Variants in THSD7A observed in about 807,000 individuals in gnomAD.
THSD7A encodes thrombospondin type-1 domain-containing protein 7A.
In THSD7A, 96 loss-of-function variants were observed where a neutral mutation model predicts 231.3. That is an observed-to-expected ratio of 0.41 (90% CI 0.35 to 0.49). The LOEUF (loss-of-function observed/expected upper bound fraction) is 0.49. THSD7A is among the 20% of genes least tolerant of loss of function. The pLI is 0.05. For missense variants in THSD7A, 2,290 were observed against 2,070.2 expected, an observed-to-expected ratio of 1.11 and a Z score of -2.06; for synonymous variants, 940 against 743.3, an observed-to-expected ratio of 1.26 and a Z score of -4.30.
chr7:11,646,847 T>C (rs1431983600), intron 1 of THSD7A, among the ~76,000 whole-genome samples: 3 of 152,020 alleles, frequency 2.0e-5, no homozygotes, highest in South Asian at 4.1e-4. Flanking sequence ...TTATATGCAA[T>C]AGTTTATTTT....
At chr7:11,409,857 C>T (rs1353145405) in intron 19 of THSD7A, among the ~76,000 whole-genome samples, 1 of 152,100 alleles carries the variant, frequency 6.6e-6, no homozygotes, top group African/African-American at 2.4e-5. Context: ...ATTCTCCTGC[C>T]TTAGCCTCCT....
intron 4 of THSD7A, among the ~76,000 whole-genome samples, chr7:11,588,246 A>G (rs368771612): frequency 2.0e-5 from 3 of 152,232 alleles, no homozygotes; most frequent in Admixed American, 6.5e-5. Flanking sequence ...CACCCCTGGG[A>G]TGCTGGTATA....
At position 11,590,701 on chromosome 7, in the gene THSD7A, T is replaced by C; in HGVS notation, c.1272-60A>G. 6.6e-7 allele frequency: 1 copy of C among 1,512,944 alleles called. No homozygotes were observed. Among genetic ancestry groups the C allele is most frequent in the Non-Finnish European group, 8.9e-7 (1 of 1,127,598 alleles). 93.7% of individuals were successfully genotyped at this position (1,512,944 alleles called of 1,614,324 possible). ...ATTATTGAATGACGTGTTTCTCTAC[T>C]CCTGTCATACTTTGTTTTAACGAAA... On this transcript the variant is annotated intron_variant, in intron 3 of 27. Coordinates refer to ENST00000423059, the MANE Select transcript of THSD7A (RefSeq NM_015204.3). The surrounding 1 kb of genome is among the most constrained non-coding windows in gnomAD (Gnocchi z 4.4).
chr7:11,429,076 G>A lies in THSD7A; in HGVS notation c.3114C>T (p.Leu1038=). The change falls in exon 14 of 28, where the codon CTC becomes CTT. Residue 1038 remains leucine, a synonymous_variant. Transcript: ENST00000423059. ...CIIPCPSDCK[L]SEWSNWSRCS... ...AGCGCGACCAGTTGGACCACTCACT[G>A]AGCTTGCAGTCTGAGGGGCAGGGGA... 7.4e-6 allele frequency: 12 copies of A among 1,611,686 alleles called. No individual in the cohort carries two copies. Among genetic ancestry groups the A allele is most frequent in the Non-Finnish European group, 1.0e-5 (12 of 1,179,008 alleles).
intron 18 of THSD7A, among the ~76,000 whole-genome samples, chr7:11,412,311 TGAAAAA>T (rs1416208463): frequency 3.3e-5 from 5 of 152,176 alleles, no homozygotes; most frequent in Non-Finnish European, 7.4e-5. Flanking sequence ...AAGCATCTTC[TGAAAAA>T]GAAAGACATT....
At chr7:11,451,676 G>A (rs1785150986) in intron 11 of THSD7A, among the ~76,000 whole-genome samples, 1 of 151,880 alleles carries the variant, frequency 6.6e-6, no homozygotes, top group Admixed American at 6.6e-5. Flanking sequence ...AATAATAAAG[G>A]TTCATGGACT....
rs1173921616 is a variant in THSD7A at position 11,636,965 on chromosome 7, C to CA, written c.191-5dup. The CA allele has an allele frequency of 5.7e-6, 9 of 1,592,140 alleles. No homozygotes were observed. Among genetic ancestry groups the CA allele is most frequent in the Admixed American group, 1.7e-5 (1 of 57,758 alleles). On this transcript the variant is annotated splice_region_variant and splice_polypyrimidine_tract_variant and intron_variant, in intron 1 of 27. Coordinates refer to ENST00000423059, the MANE Select transcript of THSD7A (RefSeq NM_015204.3). The surrounding 1 kb of genome is among the most constrained non-coding windows in gnomAD (Gnocchi z 10.0). ...CCCATACATCGGCCCCATGGACCTA[C>CA]AAAAATTATAACACAAAAATTAGCA...
intron 1 of THSD7A, among the ~76,000 whole-genome samples, chr7:11,688,211 C>A (rs1190413982): frequency 6.6e-6 from 1 of 151,782 alleles, no homozygotes; most frequent in African/African-American, 2.4e-5. Context: ...CCCGCTTCAA[C>A]CACGTCCCTA....
intron 24 of THSD7A, among the ~76,000 whole-genome samples, chr7:11,381,389 G>C (rs1782509574): frequency 6.6e-6 from 1 of 152,112 alleles, no homozygotes; most frequent in African/African-American, 2.4e-5. Flanking sequence ...TCCTGATCCA[G>C]CTCCCATATG....
intron 1 of THSD7A, among the ~76,000 whole-genome samples, chr7:11,676,624 A>G (rs988495140): frequency 2.6e-5 from 4 of 152,188 alleles, no homozygotes; most frequent in Non-Finnish European, 5.9e-5. Context: ...TGGAGCACAC[A>G]GAAGTATCAA....
intron 1 of THSD7A, among the ~76,000 whole-genome samples, chr7:11,770,817 T>C (rs184126117): frequency 2.0e-3 from 308 of 152,230 alleles, no homozygotes; most frequent in African/African-American, 6.3e-3. Context: ...TATATCAAGA[T>C]TTTTTGGCTA....
At chr7:11,484,582 G>A (rs1250094533) in intron 6 of THSD7A, among the ~76,000 whole-genome samples, 1 of 152,138 alleles carries the variant, frequency 6.6e-6, no homozygotes. Context: ...CTAAATGAGG[G>A]TGTTATCCGT....
intron 1 of THSD7A, among the ~76,000 whole-genome samples, chr7:11,641,834 T>C (rs1005094186): frequency 6.6e-6 from 1 of 152,042 alleles, no homozygotes; most frequent in Non-Finnish European, 1.5e-5. Context: ...ATCTTTTCAT[T>C]GCACCTTGGG....
At chr7:11,771,729 C>T (rs927066849) in intron 1 of THSD7A, among the ~76,000 whole-genome samples, 7 of 152,092 alleles carry the variant, frequency 4.6e-5, no homozygotes, top group African/African-American at 1.7e-4. Flanking sequence ...ATCTCCTCAC[C>T]CAAATCTCAC....
At chr7:11,673,679 G>A (rs904939769) in intron 1 of THSD7A, among the ~76,000 whole-genome samples, 1 of 152,154 alleles carries the variant, frequency 6.6e-6, no homozygotes, top group East Asian at 1.9e-4. Flanking sequence ...TTCTTACGCT[G>A]GCATGGGAGC....
intron 3 of THSD7A, among the ~76,000 whole-genome samples, chr7:11,592,146 T>C (rs1416492530): frequency 6.6e-6 from 1 of 152,176 alleles, no homozygotes; most frequent in Non-Finnish European, 1.5e-5. Context: ...ATCAGTGGGA[T>C]AGGCAGAGAC....
intron 1 of THSD7A, among the ~76,000 whole-genome samples, chr7:11,801,736 AC>A (rs1351019667): frequency 2.0e-5 from 3 of 152,142 alleles, no homozygotes; most frequent in Non-Finnish European, 2.9e-5. Context: ...AACAACAAAA[AC>A]AATGACAAAA....
At chr7:11,465,713 G>A (rs1224970930) in intron 9 of THSD7A, among the ~76,000 whole-genome samples, 2 of 152,056 alleles carry the variant, frequency 1.3e-5, no homozygotes, top group African/African-American at 4.8e-5. Context: ...GTGCTCTAGT[G>A]ATTTAGGACA....
intron 4 of THSD7A, among the ~76,000 whole-genome samples, chr7:11,573,000 A>G (rs1790713841): frequency 2.0e-5 from 3 of 152,114 alleles, no homozygotes; most frequent in Non-Finnish European, 2.9e-5. Flanking sequence ...AAACAGTTTA[A>G]TTATTGGCAG....
Sources: allele counts gnomAD v4.1 joint callset (sites outside exome capture counted in the v4.1 genomes callset), GRCh38; gene constraint gnomAD v4.1.1; non-coding constraint Gnocchi (gnomAD v3.1); transcripts MANE v1.5; gene names NCBI Gene and HGNC (gene_info 2026-07-23, HGNC 2026-07-21).